Variants in ZNF738 observed in about 807,000 individuals in gnomAD.
ZNF738 encodes the protein zinc finger protein 738.
In ZNF738, 10 loss-of-function variants were observed where a neutral mutation model predicts 9.2. The ratio of observed to expected loss-of-function variants is 1.09; its 90% CI spans 0.67 to 1.85. ZNF738 has a LOEUF of 1.85. Among genes scored for constraint, ZNF738 ranks in the 40% most tolerant of loss-of-function variants. ZNF738 has a pLI of 0.00. For synonymous variants in ZNF738, 113 were observed against 94.5 expected, an observed-to-expected ratio of 1.20 and a Z score of -1.14; for missense variants, 346 against 283.6, an observed-to-expected ratio of 1.22 and a Z score of -1.58.
At chr19:21,380,710 C>CA (rs916032383) in intron 4 of ZNF738, among the ~76,000 whole-genome samples, 4 of 152,080 alleles carry the variant, frequency 2.6e-5, no homozygotes, top group African/African-American at 9.7e-5. Context: ...ATAGGGTACT[C>CA]AATGAGGCAT....
Position 21,387,171 on chromosome 19 carries a change from T to C in ZNF738, c.*3497T>C, listed in dbSNP as rs1974077334. On this transcript the variant is annotated 3_prime_UTR_variant, in exon 5 of 5. Transcript: ENST00000683779. ...AATGTGAAGAATGTGACAAAGTCTT[T>C]AAATGGTTGTCATACTTGACTTTTT... The C allele has an allele frequency of 6.5e-6, 1 of 153,128 alleles. No individual in the cohort carries two copies. The highest frequency in any genetic ancestry group is 6.5e-5 in the Admixed American group (1 of 15,276). The allele number at this position is 153,128 out of a possible 1,614,324, so 9.5% of individuals were successfully genotyped here.
chr19:21,381,036 C>T (rs1368852901), intron 4 of ZNF738, among the ~76,000 whole-genome samples: 1 of 152,192 alleles, frequency 6.6e-6, no homozygotes, highest in African/African-American at 2.4e-5. Context: ...TTTCTGTCCC[C>T]TAATGAGAAT....
At position 21,386,434 on chromosome 19, in the gene ZNF738, G is replaced by A; in HGVS notation, c.*2760G>A. 1 of 308,906 alleles carries A rather than the reference G, an allele frequency of 3.2e-6. No individual in the cohort carries two copies. Among genetic ancestry groups the A allele is most frequent in the Non-Finnish European group, 6.7e-6 (1 of 148,924 alleles). The allele number at this position is 308,906 out of a possible 1,614,324, so 19.1% of individuals were successfully genotyped here. ...AAAATCTTAGAAATGTGAAGGATGT[G>A]GTAAAGCCGTTATCCAGTCCTCAAC... On this transcript the variant is annotated 3_prime_UTR_variant, in exon 5 of 5. Coordinates refer to ENST00000683779, the MANE Select transcript of ZNF738 (RefSeq NM_001355237.2).
intron 4 of ZNF738, among the ~76,000 whole-genome samples, chr19:21,379,936 A>G (rs1381463331): frequency 6.6e-6 from 1 of 152,240 alleles, no homozygotes; most frequent in Non-Finnish European, 1.5e-5. Flanking sequence ...CAATAAAAGC[A>G]TATGTGTCAT....
chr19:21,377,130 A>G (rs1973938282), intron 4 of ZNF738, among the ~76,000 whole-genome samples: 1 of 151,976 alleles, frequency 6.6e-6, no homozygotes, highest in Non-Finnish European at 1.5e-5. Context: ...CAACATGGAG[A>G]AACCCCATCT....
chr19:21,382,650 G>T (rs1255045139), intron 4 of ZNF738, among the ~76,000 whole-genome samples: 1 of 152,016 alleles, frequency 6.6e-6, no homozygotes, highest in African/African-American at 2.4e-5. Flanking sequence ...CTCACTTGGG[G>T]TACTTTAAAC....
intron 4 of ZNF738, chr19:21,376,241 A>G (rs1973926063): frequency 6.8e-6 from 2 of 294,466 alleles, no homozygotes; most frequent in South Asian, 4.4e-5. Flanking sequence ...AGTCCTCTTC[A>G]TGGCATATAA....
intron 2 of ZNF738, among the ~76,000 whole-genome samples, chr19:21,369,872 GGC>G (rs1973834867): frequency 6.7e-6 from 1 of 150,272 alleles, no homozygotes; most frequent in Non-Finnish European, 1.5e-5. Flanking sequence ...GGAGTGCTAT[GGC>G]ATGATCTCAG....
intron 2 of ZNF738, among the ~76,000 whole-genome samples, chr19:21,368,827 C>G (rs925738516): frequency 6.6e-6 from 1 of 152,044 alleles, no homozygotes; most frequent in African/African-American, 2.4e-5. Flanking sequence ...ACCTCCACCT[C>G]CCAAGTTCAA....
Sources: gnomAD v4.1 joint callset for allele counts (sites outside exome capture counted in the v4.1 genomes callset) on GRCh38, gnomAD v4.1.1 for gene constraint, MANE v1.5 for transcripts, NCBI Gene and HGNC (gene_info 2026-07-23, HGNC 2026-07-21) for gene names.